Variants in GLIPR1L2 observed in about 807,000 individuals in gnomAD.
The protein encoded by GLIPR1L2 is GLIPR1 like 2.
Under a neutral mutation model 28.4 loss-of-function variants are expected in GLIPR1L2, and 21 were observed. That is an observed-to-expected ratio of 0.74 (90% CI 0.52 to 1.06). The LOEUF (loss-of-function observed/expected upper bound fraction) is 1.06, where lower values mean the gene tolerates loss of function less well. GLIPR1L2 is among the 50% of genes least tolerant of loss of function. The probability of loss-of-function intolerance (pLI) is 0.00; values close to 1 mark genes in which losing one functional copy is unlikely to be tolerated. For synonymous variants in GLIPR1L2, 145 were observed against 139.3 expected, an observed-to-expected ratio of 1.04 and a Z score of -0.29; for missense variants, 476 against 416.9, an observed-to-expected ratio of 1.14 and a Z score of -1.23.
intron 3 of GLIPR1L2, among the ~76,000 whole-genome samples, chr12:75,419,863 C>A (rs1031382588): frequency 6.6e-6 from 1 of 152,192 alleles, no homozygotes; most frequent in African/African-American, 2.4e-5. Context: ...AGGAAGTAGT[C>A]ATGGAATTTT....
Position 75,432,609 on chromosome 12 carries a change from T to C in GLIPR1L2, c.*1448T>C, listed in dbSNP as rs2046101627. On this transcript the variant is annotated 3_prime_UTR_variant, in exon 6 of 6. Transcript: ENST00000550916. ...TATTTACTCTGTTGTTCTTTAGTTG[T>C]ATCAATATTCTGTTAAAAACCTGTT... 1 of 152,140 alleles carries C rather than the reference T, an allele frequency of 6.6e-6. No individual in the cohort carries two copies. The highest frequency in any genetic ancestry group is 1.5e-5 in the Non-Finnish European group (1 of 68,004). 9.4% of individuals were successfully genotyped at this position (152,140 alleles called of 1,614,324 possible).
intron 4 of GLIPR1L2, among the ~76,000 whole-genome samples, chr12:75,430,175 A>G (rs535959149): frequency 3.3e-5 from 5 of 152,176 alleles, no homozygotes; most frequent in African/African-American, 9.6e-5. Flanking sequence ...AATGAGCAGA[A>G]GAAAGGGAAT....
At chr12:75,423,241 A>G in intron 4 of GLIPR1L2, 1 of 1,334,454 alleles carries the variant, frequency 7.5e-7, no homozygotes, top group Non-Finnish European at 9.5e-7. Flanking sequence ...AAGAATGAGA[A>G]CTAACAGTTA....
At chr12:75,428,508 G>C (rs12817746) in intron 4 of GLIPR1L2, among the ~76,000 whole-genome samples, 26,623 of 144,016 alleles carry the variant, frequency 0.18, 2,570 homozygotes, top group Admixed American at 0.25. Context: ...CTGACCATGT[G>C]GTAGAAAAAA....
intron 4 of GLIPR1L2, among the ~76,000 whole-genome samples, chr12:75,428,108 G>T (rs1440407761): frequency 3.3e-5 from 5 of 152,216 alleles, no homozygotes; most frequent in African/African-American, 4.8e-5. Context: ...AAGACAGGAA[G>T]ATGTGGGAAA....
intron 1 of GLIPR1L2, chr12:75,391,701 T>TAA (rs5799221): frequency 7.1e-6 from 3 of 420,830 alleles, no homozygotes; most frequent in African/African-American, 2.1e-5. Context: ...AAGAAAATGT[T>TAA]AAAAAATTTA....
At chr12:75,398,687 A>G (rs148090924) in intron 1 of GLIPR1L2, among the ~76,000 whole-genome samples, 8 of 152,320 alleles carry the variant, frequency 5.3e-5, no homozygotes, top group African/African-American at 1.9e-4. Context: ...TATATGTAAT[A>G]TCAATTTTTA....
intron 1 of GLIPR1L2, among the ~76,000 whole-genome samples, chr12:75,403,319 C>T (rs1383247439): frequency 1.3e-5 from 2 of 152,166 alleles, no homozygotes; most frequent in African/African-American, 4.8e-5. Flanking sequence ...TTCTTTCTTT[C>T]AAATGGGGAT....
At chr12:75,396,401 T>C (rs2045681882) in intron 1 of GLIPR1L2, among the ~76,000 whole-genome samples, 1 of 152,158 alleles carries the variant, frequency 6.6e-6, no homozygotes, top group South Asian at 2.1e-4. Context: ...TTATAATTAT[T>C]TATGCTAGCA....
chr12:75,391,141 CG>C lies in GLIPR1L2; in HGVS notation c.28del (p.Glu10SerfsTer11). 6.2e-7 allele frequency: 1 copy of C among 1,613,868 alleles called. No homozygotes were observed. Among genetic ancestry groups the C allele is most frequent in the Non-Finnish European group, 8.5e-7 (1 of 1,179,916 alleles). On this transcript the variant is annotated frameshift_variant, in exon 1 of 6. Transcript: ENST00000550916. LOFTEE classifies it high-confidence loss of function. MEAARPFAREWRAQSLPLA... is the reference protein window; with the variant it reads MEAARPFAXEWRAQSLPLA... ...CATGGAGGCCGCAAGGCCCTTCGCC[CG>C]GGAGTGGAGGGCCCAGTCCCTACCC... is the stretch of plus-strand genomic sequence containing the variant.
intron 2 of GLIPR1L2, among the ~76,000 whole-genome samples, chr12:75,411,091 A>T (rs890384484): frequency 6.6e-6 from 1 of 151,872 alleles, no homozygotes; most frequent in Non-Finnish European, 1.5e-5. Flanking sequence ...AATTAATAGT[A>T]TTATTTCCCT....
chr12:75,410,717 C>T (rs1327624863), intron 2 of GLIPR1L2, 38 bp downstream of exon 2: 3 of 1,427,346 alleles, frequency 2.1e-6, no homozygotes, highest in Non-Finnish European at 1.9e-6. Context: ...TCAAACACTT[C>T]TTAATTGATT....
At chr12:75,413,781 T>C in intron 3 of GLIPR1L2, 80 bp downstream of exon 3, 1 of 626,986 alleles carries the variant, frequency 1.6e-6, no homozygotes, top group Non-Finnish European at 2.6e-6. Context: ...AATATATTTT[T>C]ATAAGTGTTT....
chr12:75,400,357 C>T lies in GLIPR1L2; in HGVS notation c.234+9007C>T, dbSNP rs546754438. Among the ~76,000 whole-genome samples, 19 of 152,176 alleles carry T rather than the reference C, an allele frequency of 1.2e-4. No homozygotes were observed. The South Asian group carries it at 3.7e-3, about 30-fold the overall frequency. On this transcript the variant is annotated intron_variant, in intron 1 of 5. Transcript: ENST00000550916. ...TAGGATGGTCTCAATCTCCTGACCTCGTGATCCTCCCGCCTTGGCCTCCCA... is the reference window on the plus strand; with the variant it reads ...TAGGATGGTCTCAATCTCCTGACCTTGTGATCCTCCCGCCTTGGCCTCCCA...
In GLIPR1L2 at chr12:75,431,525, TAGTA is replaced by T. The variant is rs1275475369; in HGVS notation, c.*367_*370del. The T allele has an allele frequency of 4.0e-5, 7 of 174,958 alleles. No homozygotes were observed. The highest frequency in any genetic ancestry group is 1.7e-4 in the African/African-American group (7 of 42,308). 10.8% of individuals were successfully genotyped at this position (174,958 alleles called of 1,614,324 possible). A position where few individuals can be genotyped will look rare whatever the true frequency, so the allele number is the denominator to read the frequency against. On this transcript the variant is annotated 3_prime_UTR_variant, in exon 6 of 6. Coordinates refer to ENST00000550916, the MANE Select transcript of GLIPR1L2 (RefSeq NM_001270396.2). Reference sequence around the variant, plus strand: ...CATGTTTCCATCTCTGTGTTTTAAATAGTAAGGTGCTTAAGATCATTCCAAGTTC... The same window carrying T: ...CATGTTTCCATCTCTGTGTTTTAAATAGGTGCTTAAGATCATTCCAAGTTC...
At chr12:75,422,214 G>A (rs984877324) in intron 3 of GLIPR1L2, among the ~76,000 whole-genome samples, 3 of 151,132 alleles carry the variant, frequency 2.0e-5, no homozygotes, top group African/African-American at 7.3e-5. Flanking sequence ...GGCTGGTCTC[G>A]AACTCCTGGT....
chr12:75,403,564 G>A (rs1373354307), intron 1 of GLIPR1L2, among the ~76,000 whole-genome samples: 1 of 151,994 alleles, frequency 6.6e-6, no homozygotes, highest in Non-Finnish European at 1.5e-5. Context: ...TTTTTTGTTG[G>A]TGTGAATTTA....
rs999325555 is a variant in GLIPR1L2, at chr12:75,431,039, G to A, written c.913G>A (p.Glu305Lys). The change falls in exon 6 of 6, where the codon GAA becomes AAA. Residue 305 changes from glutamate (E) to lysine (K), a missense_variant. Physicochemically the swap from Glu to Lys is moderately conservative, Grantham distance 56 (BLOSUM62 1). Transcript: ENST00000550916. The part of the protein sequence containing the change: ...EAGNEEEEKE[E>K]EKKEKEEMEM... ...AGGGAATGAAGAGGAGGAAAAAGAG[G>A]AAGAGAAGAAAGAGAAAGAGGAAAT... The A allele has an allele frequency of 7.3e-6, 11 of 1,505,310 alleles. No homozygotes were observed. In the African/African-American group the frequency reaches 1.4e-4, roughly 19 times the overall value. The allele number at this position is 1,505,310 out of a possible 1,614,324, so 93.2% of individuals were successfully genotyped here.
intron 4 of GLIPR1L2, among the ~76,000 whole-genome samples, chr12:75,429,051 A>G (rs879572633): frequency 1.3e-5 from 2 of 152,236 alleles, no homozygotes; most frequent in Non-Finnish European, 2.9e-5. Flanking sequence ...GCCACCACAC[A>G]GAGTCCCTAC....
Sources: gnomAD v4.1 joint callset for allele counts (sites outside exome capture counted in the v4.1 genomes callset) on GRCh38, gnomAD v4.1.1 for gene constraint, MANE v1.5 for transcripts, NCBI Gene and HGNC (gene_info 2026-07-23, HGNC 2026-07-21) for gene names.